Variants in MAD1L1 observed in about 807,000 individuals in gnomAD.
MAD1L1 encodes the protein mitotic arrest deficient 1 like 1.
Under a neutral mutation model 96.9 loss-of-function variants are expected in MAD1L1, and 95 were observed. The observed-to-expected ratio is 0.98, with a 90% confidence interval of 0.83 to 1.16. The LOEUF (loss-of-function observed/expected upper bound fraction) is 1.16. Ranked by LOEUF, MAD1L1 falls within the 50% of genes most tolerant of loss-of-function variation. The pLI, the probability that MAD1L1 is intolerant of heterozygous loss-of-function variation, is 0.00. For synonymous variants in MAD1L1, 473 were observed against 396.6 expected (o/e 1.19, Z -2.29); for missense variants, 1,007 against 954.4 (o/e 1.06, Z -0.73).
At chr7:2,116,029 C>A (rs955417952) in intron 11 of MAD1L1, among the ~76,000 whole-genome samples, 5 of 152,246 alleles carry the variant, frequency 3.3e-5, no homozygotes, top group Non-Finnish European at 5.9e-5. Context: ...CTGCCCACCA[C>A]TTAACCACAC....
chr7:2,034,886 T>C (rs1362951003), intron 12 of MAD1L1, among the ~76,000 whole-genome samples: 2 of 152,218 alleles, frequency 1.3e-5, no homozygotes, highest in Non-Finnish European at 2.9e-5. Context: ...TCCCCAAGCT[T>C]TGCACATGTC....
intron 18 of MAD1L1, chr7:1,854,519 G>A (rs1408693982): frequency 1.6e-5 from 6 of 380,302 alleles, no homozygotes; most frequent in Middle Eastern, 3.7e-4. Context: ...GTCACACGGG[G>A]GAAGGGGCGG....
intron 10 of MAD1L1, among the ~76,000 whole-genome samples, chr7:2,208,141 A>G (rs1321041085): frequency 6.6e-6 from 1 of 152,128 alleles, no homozygotes; most frequent in Non-Finnish European, 1.5e-5. Context: ...CAAATCTTAC[A>G]CAGATTTTCT....
intron 12 of MAD1L1, among the ~76,000 whole-genome samples, chr7:2,042,650 G>A (rs1783739538): frequency 6.6e-6 from 1 of 152,232 alleles, no homozygotes; most frequent in Non-Finnish European, 1.5e-5. Context: ...CGAGTGAGGA[G>A]TGTTGTTGGA....
intron 5 of MAD1L1, among the ~76,000 whole-genome samples, chr7:2,221,617 T>C (rs528839661): frequency 1.1e-4 from 17 of 152,230 alleles, no homozygotes; most frequent in African/African-American, 4.1e-4. Flanking sequence ...TTTCCACCAG[T>C]GCCCATGTCT....
chr7:2,125,260 G>A (rs1394971733), intron 11 of MAD1L1, among the ~76,000 whole-genome samples: 2 of 152,134 alleles, frequency 1.3e-5, no homozygotes, highest in East Asian at 1.9e-4. Flanking sequence ...GCGGCGCCAC[G>A]AGGCAGGTGC....
Position 1,887,487 on chromosome 7 carries a change from G to A in MAD1L1, c.1998+10713C>T, listed in dbSNP as rs556339485. Among the ~76,000 whole-genome samples, 314 of 151,778 alleles carry A rather than the reference G, an allele frequency of 2.1e-3. 1 individual carries two copies. The highest frequency in any genetic ancestry group is 7.2e-3 in the African/African-American group (296 of 41,372). ...TGTGCATGCATGTGGCTGCCCGTGT[G>A]GGTGCATGTGTGCATGTATGTGGCT... is the stretch of plus-strand genomic sequence containing the variant. On this transcript the variant is annotated intron_variant, in intron 18 of 18. Coordinates refer to ENST00000265854, the MANE Select transcript of MAD1L1 (RefSeq NM_001013836.2).
At chr7:1,821,807 A>C (rs1344579154) in intron 18 of MAD1L1, among the ~76,000 whole-genome samples, 2 of 152,206 alleles carry the variant, frequency 1.3e-5, no homozygotes, top group East Asian at 3.8e-4. Context: ...CACCACGAAG[A>C]ACCCTCAGCT....
At chr7:1,967,537 G>C (rs982809916) in intron 15 of MAD1L1, among the ~76,000 whole-genome samples, 1 of 152,240 alleles carries the variant, frequency 6.6e-6, no homozygotes, top group African/African-American at 2.4e-5. Context: ...GCAGCTGGCG[G>C]GAGGGTGTAG....
At chr7:1,875,957 C>T (rs1486852025) in intron 18 of MAD1L1, among the ~76,000 whole-genome samples, 6 of 152,206 alleles carry the variant, frequency 3.9e-5, no homozygotes, top group South Asian at 2.1e-4. Flanking sequence ...ATACAAGGGG[C>T]GGCCGTCCAC....
chr7:2,192,454 G>C (rs1328967398), intron 10 of MAD1L1, among the ~76,000 whole-genome samples: 2 of 152,130 alleles, frequency 1.3e-5, no homozygotes, highest in Non-Finnish European at 2.9e-5. Flanking sequence ...TAAGCTGACA[G>C]GGAAGACACA....
At chr7:1,844,451 G>A (rs777104314) in intron 18 of MAD1L1, among the ~76,000 whole-genome samples, 5 of 152,158 alleles carry the variant, frequency 3.3e-5, no homozygotes, top group Admixed American at 6.5e-5. Flanking sequence ...CACGCGAGGT[G>A]TGGGACATGG....
intron 18 of MAD1L1, among the ~76,000 whole-genome samples, chr7:1,854,799 CG>C (rs960619000): frequency 2.0e-5 from 3 of 152,176 alleles, no homozygotes; most frequent in African/African-American, 7.2e-5. Flanking sequence ...GCGTCACATA[CG>C]GGGGAGACAA....
chr7:2,141,080 C>T (rs575240545), intron 11 of MAD1L1, among the ~76,000 whole-genome samples: 15 of 152,372 alleles, frequency 9.8e-5, no homozygotes, highest in Non-Finnish European at 1.8e-4. Context: ...CCCGGACAGA[C>T]CCCAGAGCCC....
At chr7:2,150,601 G>A (rs1039384065) in intron 10 of MAD1L1, among the ~76,000 whole-genome samples, 37 of 152,182 alleles carry the variant, frequency 2.4e-4, no homozygotes, top group Admixed American at 2.0e-3. Context: ...TGTTTTGCAC[G>A]GCACAGAGGA....
chr7:2,154,439 T>C (rs1165501673), intron 10 of MAD1L1, among the ~76,000 whole-genome samples: 1 of 152,178 alleles, frequency 6.6e-6, no homozygotes, highest in African/African-American at 2.4e-5. Flanking sequence ...GGAGGGTGAC[T>C]AGAGTTAACA....
chr7:2,066,753 A>G (rs1784891368), intron 12 of MAD1L1, among the ~76,000 whole-genome samples: 1 of 152,206 alleles, frequency 6.6e-6, no homozygotes, highest in South Asian at 2.1e-4. Flanking sequence ...CAGTGACTGC[A>G]TGTAACTCCT....
chr7:1,863,078 T>C (rs1268368873), intron 18 of MAD1L1, among the ~76,000 whole-genome samples: 4 of 152,206 alleles, frequency 2.6e-5, no homozygotes, highest in African/African-American at 9.6e-5. Flanking sequence ...GACGCTGCAC[T>C]CCGCACCCTC....
chr7:2,054,843 G>A (rs535657891), intron 12 of MAD1L1, among the ~76,000 whole-genome samples: 44 of 152,346 alleles, frequency 2.9e-4, no homozygotes, highest in African/African-American at 8.2e-4. Flanking sequence ...CTTGAGCTGC[G>A]CTCGGCTGGG....
Sources: gnomAD v4.1 joint callset for allele counts (sites outside exome capture counted in the v4.1 genomes callset) on GRCh38, gnomAD v4.1.1 for gene constraint, MANE v1.5 for transcripts, NCBI Gene and HGNC (gene_info 2026-07-23, HGNC 2026-07-21) for gene names.